Variants in PARP14 observed in about 807,000 individuals in gnomAD.
PARP14 encodes protein mono-ADP-ribosyltransferase PARP14.
PARP14 carries 59 observed loss-of-function variants against 154.2 expected under a neutral mutation model. The observed-to-expected ratio is 0.38, with a 90% CI of 0.31 to 0.48. PARP14 has a LOEUF of 0.48. Among genes scored for constraint, PARP14 ranks in the 20% least tolerant of loss-of-function variants. The pLI is 0.98. For missense variants in PARP14, 1,734 were observed against 2,131.6 expected (o/e 0.81, Z 3.67); for synonymous variants, 720 against 780.5 (o/e 0.92, Z 1.29).
rs1052618563 is a variant in PARP14, at chr3:122,730,004, A to C, written c.*1407A>C. On this transcript the variant is annotated 3_prime_UTR_variant, in exon 17 of 17. Transcript: ENST00000474629. The stretch of plus-strand genomic sequence containing the variant: ...TTTCCCCAGGTAAGTTTAAGATTCA[A>C]ACACCATCTATTGAGCACCTACATT... 1 of 152,228 alleles carries C rather than the reference A, an allele frequency of 6.6e-6. No individual in the cohort carries two copies. The highest frequency in any genetic ancestry group is 2.4e-5 in the African/African-American group (1 of 41,456). 9.4% of individuals were successfully genotyped at this position (152,228 alleles called of 1,614,324 possible). A position where few individuals can be genotyped will look rare whatever the true frequency, so the allele number is the denominator to read the frequency against.
chr3:122,703,058 T>A (rs1203666303), intron 6 of PARP14, among the ~76,000 whole-genome samples: 1 of 151,724 alleles, frequency 6.6e-6, no homozygotes, highest in Non-Finnish European at 1.5e-5. Flanking sequence ...TTGCTTTCCT[T>A]TCACTCCCAT....
At position 122,702,997 on chromosome 3, in the gene PARP14, AAAAAAAAAAAAAAC is replaced by A. The variant is rs1266312447; in HGVS notation, c.3082-732_3082-719del. Reference sequence around the variant, plus strand: ...ACAGAGCAAGACCCTCTCTCTTAAAAAAAAAAAAAAAAACAAAAAAAAAAAACAAAAAACAAAAA... The same window carrying A: ...ACAGAGCAAGACCCTCTCTCTTAAAAAAAAAAAAAAAACAAAAAACAAAAA... On this transcript the variant is annotated intron_variant, in intron 6 of 16. Transcript: ENST00000474629. Among the ~76,000 whole-genome samples, 61 of 135,740 alleles carry A rather than the reference AAAAAAAAAAAAAAC, an allele frequency of 4.5e-4. 1 individual carries two copies. The East Asian group carries it at 9.1e-3, about 20-fold the overall frequency. The allele number at this position is 135,740 out of a possible 152,430, so 89.1% of individuals were successfully genotyped here. A position where few individuals can be genotyped will look rare whatever the true frequency, so the allele number is the denominator to read the frequency against.
intron 12 of PARP14, among the ~76,000 whole-genome samples, chr3:122,715,673 T>G (rs996255984): frequency 4.6e-5 from 7 of 151,980 alleles, no homozygotes; most frequent in Admixed American, 1.3e-4. Context: ...TATCTATCTC[T>G]ATCATCTCTC....
Position 122,680,857 on chromosome 3 carries a change from G to A in PARP14, c.-27G>A. The A allele has an allele frequency of 6.4e-7, 1 of 1,574,672 alleles. No individual in the cohort carries two copies. The highest frequency in any genetic ancestry group is 8.6e-7 in the Non-Finnish European group (1 of 1,156,986). ...GCGGCCCGGAGTTGGCGCGGCCCCTGCAGTCCGGCGGAGAGCGGAGCTGAG... is the reference window on the plus strand; with the variant it reads ...GCGGCCCGGAGTTGGCGCGGCCCCTACAGTCCGGCGGAGAGCGGAGCTGAG... On this transcript the variant is annotated 5_prime_UTR_variant, in exon 1 of 17. Transcript: ENST00000474629.
intron 1 of PARP14, among the ~76,000 whole-genome samples, chr3:122,683,790 C>G (rs1365129338): frequency 1.3e-5 from 2 of 152,166 alleles, no homozygotes; most frequent in African/African-American, 4.8e-5. Flanking sequence ...AATCTGAGAA[C>G]AGACTGGCAC....
chr3:122,692,730 T>C (rs1938581187), intron 4 of PARP14, among the ~76,000 whole-genome samples, 187 bp downstream of exon 4: 1 of 152,212 alleles, frequency 6.6e-6, no homozygotes, highest in Non-Finnish European at 1.5e-5. Context: ...AAATTCCATA[T>C]TTTTAGTAGA....
chr3:122,696,067 T>G (rs1423223380), intron 5 of PARP14, among the ~76,000 whole-genome samples: 1 of 152,214 alleles, frequency 6.6e-6, no homozygotes. Context: ...TACCACTCCT[T>G]TCACCTATTG....
chr3:122,682,915 C>A (rs1477977424), intron 1 of PARP14, among the ~76,000 whole-genome samples: 1 of 151,964 alleles, frequency 6.6e-6, no homozygotes, highest in Non-Finnish European at 1.5e-5. Flanking sequence ...ATTAGCCGAG[C>A]GTGGTGGTGT....
chr3:122,692,631 T>C, intron 4 of PARP14, 88 bp downstream of exon 4: 1 of 1,160,978 alleles, frequency 8.6e-7, no homozygotes, highest in East Asian at 2.4e-5. Context: ...TCTCTGAAAG[T>C]TTGACTCTTT....
chr3:122,700,638 C>T lies in PARP14; in HGVS notation c.2084C>T (p.Pro695Leu), dbSNP rs759668975. Residue 695 changes from proline (P) to leucine (L), a missense_variant, in exon 6 of 17, where the codon CCA (proline) becomes CTA (leucine). Pro to Leu is a moderately conservative substitution (Grantham distance 98, BLOSUM62 -3). This residue lies in a region of PARP14 where 1,646 missense variants were observed against 1,976.0 expected (regional missense o/e 0.83). Coordinates refer to ENST00000474629, the MANE Select transcript of PARP14 (RefSeq NM_017554.3). ...AAGACAGAAAAGAAGCTATTCTGGC[C>T]AAAGATAAAGAAGGTAAATGTGCAG... The part of the protein sequence containing the change: ...YLKTEKKLFW[P>L]KIKKVNVQVS... 3.7e-6 allele frequency: 6 copies of T among 1,605,216 alleles called. No homozygotes were observed.
At chr3:122,719,461 G>A (rs1295239677) in intron 14 of PARP14, among the ~76,000 whole-genome samples, 1 of 152,200 alleles carries the variant, frequency 6.6e-6, no homozygotes, top group East Asian at 1.9e-4. Context: ...AGAGCAAAAG[G>A]TTCCTTGACA....
chr3:122,728,342 C>T lies in PARP14; in HGVS notation c.5151C>T (p.Val1717=), dbSNP rs1311014261. 6.2e-7 allele frequency: 1 copy of T among 1,613,360 alleles called. No homozygotes were observed. The highest frequency in any genetic ancestry group is 1.3e-5 in the African/African-American group (1 of 74,898). Residue 1717 remains valine (V), a synonymous_variant, in exon 17 of 17, where the codon GTC becomes GTT. Transcript: ENST00000474629. The stretch of plus-strand genomic sequence containing the variant: ...ATGGAAAGGGAACCTATTTTGCTGT[C>T]AATGCCAATTATTCTGCCAATGATA... ...VAYGKGTYFA[V]NANYSANDTY...
chr3:122,683,224 C>T, intron 1 of PARP14: 1 of 799,540 alleles, frequency 1.3e-6, no homozygotes, highest in Non-Finnish European at 1.5e-6. Context: ...AATGAATGAC[C>T]TACGCTTGAA....
chr3:122,710,359 T>C (rs776512304), intron 9 of PARP14, among the ~76,000 whole-genome samples: 2 of 152,164 alleles, frequency 1.3e-5, no homozygotes, highest in African/African-American at 4.8e-5. Context: ...TGAAGATCAA[T>C]TGGTTTTAAG....
chr3:122,681,068 A>T lies in PARP14; in HGVS notation c.185A>T (p.Asp62Val). Reference sequence around the variant, plus strand: ...TTCCTGGTGTTCTTCTACCCGGAGGACGGTGAGGGGCGCGAGGGGTGGGGT... The same window carrying T: ...TTCCTGGTGTTCTTCTACCCGGAGGTCGGTGAGGGGCGCGAGGGGTGGGGT... ...SRFLVFFYPEDVRQKVLERKN... is the reference protein window; with the variant it reads ...SRFLVFFYPEVVRQKVLERKN... Residue 62 changes from aspartate (D) to valine (V), a missense_variant and splice_region_variant, in exon 1 of 17, where the codon GAC (aspartate) becomes GTC (valine). This residue lies in a region of PARP14 where 1,646 missense variants were observed against 1,976.0 expected (regional missense o/e 0.83). Transcript: ENST00000474629. This position sits in a 1 kb window ranked among gnomAD's most constrained non-coding sequence, Gnocchi z 5.5. 1.2e-6 allele frequency: 2 copies of T among 1,609,326 alleles called. No individual in the cohort carries two copies. The highest frequency in any genetic ancestry group is 1.7e-6 in the Non-Finnish European group (2 of 1,176,320).
chr3:122,686,993 C>G, intron 2 of PARP14, 87 bp from the exon 3 acceptor site: 1 of 863,778 alleles, frequency 1.2e-6, no homozygotes, highest in Non-Finnish European at 1.9e-6. Context: ...TATTTACCCT[C>G]CATCTCCAGG....
At chr3:122,698,950 G>C (rs1262057998) in intron 5 of PARP14, among the ~76,000 whole-genome samples, 2 of 152,140 alleles carry the variant, frequency 1.3e-5, no homozygotes, top group Admixed American at 6.5e-5. Flanking sequence ...TTATTCTCAC[G>C]ATTGTGACCA....
intron 7 of PARP14, 119 bp from the exon 8 acceptor site, chr3:122,704,408 A>C (rs1331590010): frequency 1.6e-6 from 1 of 635,418 alleles, no homozygotes; most frequent in Non-Finnish European, 2.8e-6. Context: ...GATTGCCCTT[A>C]ATCAGTGTTG....
Position 122,685,317 on chromosome 3 carries a change from A to C in PARP14, c.320A>C (p.Lys107Thr), listed in dbSNP as rs775860020. 6.2e-7 allele frequency: 1 copy of C among 1,613,584 alleles called. No homozygotes were observed. The highest frequency in any genetic ancestry group is 2.2e-5 in the East Asian group (1 of 44,876). Residue 107 changes from lysine to threonine, a missense_variant and splice_region_variant, in exon 2 of 17, where the codon AAA becomes ACA. By Grantham distance (78) the Lys-to-Thr change is moderately conservative (BLOSUM62 -1). Transcript: ENST00000474629. ...GTCTTTGAAGAGGAACTTCTAACAA[A>C]AGCAAGTAAACTTTAGGCATGAATA... ...DHVFEEELLT[K>T]ESKTKEDVKE...
Sources: gnomAD v4.1 joint callset for allele counts (sites outside exome capture counted in the v4.1 genomes callset) on GRCh38, gnomAD v4.1.1 for gene constraint, gnomAD v4.1.1 regional missense constraint, Gnocchi (gnomAD v3.1) non-coding constraint, MANE v1.5 for transcripts, NCBI Gene and HGNC (gene_info 2026-07-23, HGNC 2026-07-21) for gene names.